The following ESRRG variants were observed in gnomAD, a reference collection of about 807,000 sequenced individuals.
ESRRG encodes estrogen-related receptor gamma.
Under a neutral mutation model 44.0 loss-of-function variants are expected in ESRRG, and 13 were observed. That is an observed-to-expected ratio of 0.30 (90% confidence interval 0.19 to 0.47). The LOEUF is 0.47. ESRRG is among the 20% of genes least tolerant of loss of function. ESRRG has a pLI of 1.00. For missense variants in ESRRG, 395 were observed against 580.6 expected, an observed-to-expected ratio of 0.68 and a Z score of 3.29; for synonymous variants, 215 against 214.6, an observed-to-expected ratio of 1.00 and a Z score of -0.02.
chr1:216,916,014 G>A (rs976667961), intron 2 of ESRRG, among the ~76,000 whole-genome samples: 1 of 152,108 alleles, frequency 6.6e-6, no homozygotes, highest in African/African-American at 2.4e-5. Context: ...TTAGTCATTT[G>A]TGATTCTTTC....
chr1:216,571,481 C>T (rs965595710), intron 3 of ESRRG, among the ~76,000 whole-genome samples: 2 of 152,044 alleles, frequency 1.3e-5, no homozygotes, highest in African/African-American at 2.4e-5. Flanking sequence ...AACAAACAAA[C>T]AAAAAGTATT....
At chr1:216,532,028 G>C (rs1285458079) in intron 5 of ESRRG, among the ~76,000 whole-genome samples, 1 of 151,864 alleles carries the variant, frequency 6.6e-6, no homozygotes, top group African/African-American at 2.4e-5. Flanking sequence ...TTTGGAAGTT[G>C]TCCTGTTTCC....
chr1:216,738,094 CTT>C (rs1309266061), intron 2 of ESRRG, among the ~76,000 whole-genome samples: 1 of 149,268 alleles, frequency 6.7e-6, no homozygotes. Context: ...CACCTGGAGA[CTT>C]TTTAAAAGTA....
chr1:217,062,703 G>A (rs750939833), intron 1 of ESRRG, among the ~76,000 whole-genome samples: 1 of 152,162 alleles, frequency 6.6e-6, no homozygotes, highest in Admixed American at 6.5e-5. Context: ...CTGGTTTTGT[G>A]GCAACAAGAC....
At chr1:216,657,559 A>T (rs2070954265) in intron 2 of ESRRG, among the ~76,000 whole-genome samples, 1 of 152,142 alleles carries the variant, frequency 6.6e-6, no homozygotes, top group Admixed American at 6.6e-5. Flanking sequence ...TTAAAGGTCA[A>T]TGATTTGCCA....
intron 1 of ESRRG, among the ~76,000 whole-genome samples, chr1:217,030,142 CCTTTCTCTTTCTCTTTTTCTTTCT>C (rs2081856463): frequency 1.3e-5 from 2 of 151,954 alleles, no homozygotes; most frequent in Admixed American, 1.3e-4. Flanking sequence ...TCTCCCTTTC[CCTTTCTCTTTCTCTTTTTCTTTCT>C]CTTTGTCTCT....
intron 1 of ESRRG, among the ~76,000 whole-genome samples, chr1:216,988,145 A>G (rs1224425440): frequency 1.3e-5 from 2 of 152,164 alleles, no homozygotes; most frequent in African/African-American, 4.8e-5. Flanking sequence ...AAGCCTTATT[A>G]GAGAAAACAC....
chr1:216,856,475 A>C (rs1472343625), intron 2 of ESRRG, among the ~76,000 whole-genome samples: 1 of 152,080 alleles, frequency 6.6e-6, no homozygotes, highest in Non-Finnish European at 1.5e-5. Context: ...TCTGACATCA[A>C]AACAATTTCT....
chr1:216,561,957 T>G (rs547651103), intron 5 of ESRRG, among the ~76,000 whole-genome samples: 1 of 152,314 alleles, frequency 6.6e-6, no homozygotes, highest in Admixed American at 6.5e-5. Context: ...ATGGTGTTAC[T>G]CATAGTTATT....
intron 2 of ESRRG, among the ~76,000 whole-genome samples, chr1:216,748,034 A>C (rs2091608207): frequency 6.6e-6 from 1 of 152,172 alleles, no homozygotes; most frequent in Non-Finnish European, 1.5e-5. Context: ...TAGAGTTATT[A>C]CTCTTAAAAT....
At chr1:216,587,027 T>A (rs1247276974) in intron 3 of ESRRG, among the ~76,000 whole-genome samples, 1 of 152,224 alleles carries the variant, frequency 6.6e-6, no homozygotes, top group East Asian at 1.9e-4. Context: ...TACTGATACT[T>A]CAATACAAAT....
At chr1:216,818,391 T>A (rs984055183) in intron 2 of ESRRG, among the ~76,000 whole-genome samples, 4 of 152,326 alleles carry the variant, frequency 2.6e-5, no homozygotes, top group African/African-American at 7.2e-5. Flanking sequence ...TAACAAGGAC[T>A]AGAAAATTGT....
chr1:216,763,104 G>T (rs2092885118), intron 2 of ESRRG, among the ~76,000 whole-genome samples: 1 of 152,170 alleles, frequency 6.6e-6, no homozygotes, highest in South Asian at 2.1e-4. Context: ...CAATTATATT[G>T]GGAAGCTATT....
chr1:216,811,866 G>A (rs1375366418), intron 2 of ESRRG, among the ~76,000 whole-genome samples: 1 of 152,140 alleles, frequency 6.6e-6, no homozygotes. Context: ...ATTCAAATAT[G>A]TTCAAAAGCA....
intron 2 of ESRRG, among the ~76,000 whole-genome samples, chr1:216,675,132 G>C (rs12727909): frequency 6.6e-6 from 1 of 151,928 alleles, no homozygotes; most frequent in Admixed American, 6.6e-5. Flanking sequence ...AGGCTGAGGC[G>C]GGTGGATCAC....
chr1:216,925,061 G>T lies in ESRRG; in HGVS notation c.-14+14521C>A, dbSNP rs74620725. On this transcript the variant is annotated intron_variant, in intron 2 of 7. Transcript: ENST00000359162. ...TTCTGAGCCACCTTATCAAGCAATA[G>T]GAACCACAGGCAGTTCTCCCGCAGG... Among the ~76,000 whole-genome samples the T allele has an allele frequency of 2.3e-3, 351 of 152,244 alleles. 2 individuals carry two copies. Among genetic ancestry groups the T allele is most frequent in the African/African-American group, 8.1e-3 (337 of 41,552 alleles).
chr1:216,596,601 T>C (rs1463842187), intron 3 of ESRRG, among the ~76,000 whole-genome samples: 3 of 152,130 alleles, frequency 2.0e-5, no homozygotes, highest in Admixed American at 2.0e-4. Flanking sequence ...ACATTAAACA[T>C]TTGCATTCAC....
At chr1:217,075,987 GAC>G (rs2091249135) in intron 1 of ESRRG, among the ~76,000 whole-genome samples, 1 of 152,120 alleles carries the variant, frequency 6.6e-6, no homozygotes, top group Non-Finnish European at 1.5e-5. Context: ...CATTCAGTAT[GAC>G]ACCTGTATAT....
chr1:217,092,242 A>G (rs1171778473), upstream of ESRRG, among the ~76,000 whole-genome samples: 1 of 152,198 alleles, frequency 6.6e-6, no homozygotes, highest in African/African-American at 2.4e-5. Context: ...TTCATCCAAA[A>G]TATAATAGTT....
Sources: gnomAD v4.1 joint callset for allele counts (sites outside exome capture counted in the v4.1 genomes callset) on GRCh38, gnomAD v4.1.1 for gene constraint, MANE v1.5 for transcripts, NCBI Gene and HGNC (gene_info 2026-07-23, HGNC 2026-07-21) for gene names.